The following KIDINS220 variants were observed in gnomAD, a reference collection of about 807,000 sequenced individuals.
KIDINS220 encodes kinase D-interacting substrate of 220 kDa.
A neutral mutation model predicts 157.6 loss-of-function variants in KIDINS220; 63 were observed. The observed-to-expected ratio is 0.40, with a 90% CI of 0.33 to 0.49. The LOEUF (loss-of-function observed/expected upper bound fraction) is 0.49. Ranked by LOEUF, KIDINS220 falls within the 20% of genes least tolerant of loss-of-function variation. KIDINS220 has a pLI of 0.66. For synonymous variants in KIDINS220, 732 were observed against 783.6 expected (o/e 0.93, Z 1.10); for missense variants, 1,772 against 2,171.2 (o/e 0.82, Z 3.65).
At chr2:8,778,225 C>A (rs13003953) in intron 20 of KIDINS220, among the ~76,000 whole-genome samples, 40,550 of 152,110 alleles carry the variant, frequency 0.27, 5,583 homozygotes, top group Middle Eastern at 0.34. Flanking sequence ...GTGAGCGTCC[C>A]ACAAGCATTT....
At chr2:8,790,136 C>T in intron 13 of KIDINS220, 77 bp from the exon 14 acceptor site, 2 of 1,339,934 alleles carry the variant, frequency 1.5e-6, no homozygotes, top group Non-Finnish European at 2.0e-6. Context: ...ATGCAGTTTT[C>T]ACATTTTCAA....
At position 8,779,670 on chromosome 2, in the gene KIDINS220, G is replaced by A. The variant is rs749156024; in HGVS notation, c.2370+4C>T. On this transcript the variant is annotated splice_donor_region_variant and intron_variant, in intron 18 of 29. Transcript: ENST00000256707. ...TGGTGGCTTTTGAGGTGGCGCAAAC[G>A]TACAGTGTCCAGCATCTGAAGGACT... 1.5e-5 allele frequency: 24 copies of A among 1,611,940 alleles called. No individual in the cohort carries two copies. The highest frequency in any genetic ancestry group is 1.6e-4 in the Middle Eastern group (1 of 6,076).
chr2:8,800,899 A>G (rs1674602089), intron 8 of KIDINS220, among the ~76,000 whole-genome samples: 1 of 152,240 alleles, frequency 6.6e-6, no homozygotes, highest in East Asian at 1.9e-4. Context: ...CTATATGACG[A>G]AAGCCATGAA....
Position 8,817,728 on chromosome 2 carries a change from A to AT in KIDINS220, c.208-13dup. On this transcript the variant is annotated splice_polypyrimidine_tract_variant and intron_variant, in intron 3 of 29. Transcript: ENST00000256707. ...GCTGTCCAATTATCCTTGAACATAT[A>AT]TTTTAAAAGTTATCATTTTCAAACC... is the stretch of plus-strand genomic sequence containing the variant. The AT allele has an allele frequency of 6.4e-7, 1 of 1,552,536 alleles. No homozygotes were observed. The highest frequency in any genetic ancestry group is 1.2e-5 in the South Asian group (1 of 83,244).
rs1421918587 is a variant in KIDINS220 at position 8,732,064 on chromosome 2, T to C, written c.4054-82A>G. Reference sequence around the variant, plus strand: ...AACATCAGCTTAGGAAATATATATGTACACTAACCATTTAAAAAGTCATCA... The same window carrying C: ...AACATCAGCTTAGGAAATATATATGCACACTAACCATTTAAAAAGTCATCA... On this transcript the variant is annotated intron_variant, in intron 29 of 29. Transcript: ENST00000256707. 1.2e-5 allele frequency: 14 copies of C among 1,178,606 alleles called. No individual in the cohort carries two copies. The South Asian group carries it at 1.2e-4, about 10-fold the overall frequency. 73.0% of individuals were successfully genotyped at this position (1,178,606 alleles called of 1,614,324 possible). A position where few individuals can be genotyped will look rare whatever the true frequency, so the allele number is the denominator to read the frequency against.
chr2:8,787,338 ATT>A (rs1015257537), intron 15 of KIDINS220, among the ~76,000 whole-genome samples: 6 of 147,696 alleles, frequency 4.1e-5, no homozygotes, highest in Non-Finnish European at 6.0e-5. Flanking sequence ...AATTACACTT[ATT>A]TTTTCTTATA....
At chr2:8,829,572 C>G (rs914763841) in intron 1 of KIDINS220, among the ~76,000 whole-genome samples, 5 of 151,918 alleles carry the variant, frequency 3.3e-5, no homozygotes, top group African/African-American at 1.2e-4. Context: ...GGATAATATA[C>G]AGTCATCAAA....
rs200868298 is a variant in KIDINS220, at chr2:8,791,054, C to T, written c.1441+6G>A. Reference sequence around the variant, plus strand: ...TATACAGACTTTGTACAAGCAAGCCCTTTACCTTCTAGTTTCTTGAGTAAG... The same window carrying T: ...TATACAGACTTTGTACAAGCAAGCCTTTTACCTTCTAGTTTCTTGAGTAAG... On this transcript the variant is annotated splice_donor_region_variant and intron_variant, in intron 13 of 29. Coordinates refer to ENST00000256707, the MANE Select transcript of KIDINS220 (RefSeq NM_020738.4). The T allele has an allele frequency of 1.1e-5, 18 of 1,611,532 alleles. No homozygotes were observed. Among genetic ancestry groups the T allele is most frequent in the Non-Finnish European group, 1.4e-5 (16 of 1,178,880 alleles).
intron 22 of KIDINS220, among the ~76,000 whole-genome samples, chr2:8,769,640 G>A (rs1167235022): frequency 1.3e-5 from 2 of 152,176 alleles, no homozygotes; most frequent in South Asian, 2.1e-4. Context: ...AGTTTTAACC[G>A]CTTAGCAAAC....
intron 7 of KIDINS220, among the ~76,000 whole-genome samples, chr2:8,804,892 T>C (rs1675220170): frequency 6.6e-6 from 1 of 152,048 alleles, no homozygotes; most frequent in Non-Finnish European, 1.5e-5. Flanking sequence ...TACCTGGAGG[T>C]AGCATCAGAC....
At chr2:8,825,006 T>C (rs999037044) in intron 2 of KIDINS220, among the ~76,000 whole-genome samples, 1 of 152,126 alleles carries the variant, frequency 6.6e-6, no homozygotes, top group African/African-American at 2.4e-5. Context: ...AAACGGTCAC[T>C]GCCAGGGTTT....
chr2:8,726,053 G>A (rs1384843423), downstream of KIDINS220, among the ~76,000 whole-genome samples: 2 of 152,166 alleles, frequency 1.3e-5, no homozygotes, highest in African/African-American at 2.4e-5. Context: ...TTTATATTAC[G>A]TAATTCATGC....
At chr2:8,813,927 TA>T (rs889826691) in intron 4 of KIDINS220, among the ~76,000 whole-genome samples, 3 of 151,654 alleles carry the variant, frequency 2.0e-5, no homozygotes, top group African/African-American at 7.3e-5. Flanking sequence ...CCATCTCAAA[TA>T]AAAAAAAATT....
chr2:8,820,775 C>G (rs1477612459), intron 2 of KIDINS220, among the ~76,000 whole-genome samples: 1 of 152,158 alleles, frequency 6.6e-6, no homozygotes, highest in Non-Finnish European at 1.5e-5. Flanking sequence ...AGTTATTAAG[C>G]AGATGGCCTT....
chr2:8,774,295 CAAAA>C (rs547340055), intron 21 of KIDINS220, among the ~76,000 whole-genome samples: 2 of 56,748 alleles, frequency 3.5e-5, no homozygotes. Context: ...GACTCTGTCT[CAAAA>C]AAAAAAAAAA....
intron 22 of KIDINS220, among the ~76,000 whole-genome samples, chr2:8,752,566 A>T (rs993503680): frequency 6.6e-6 from 1 of 152,280 alleles, no homozygotes; most frequent in South Asian, 2.1e-4. Context: ...GTGGCCTCAG[A>T]CAAATTAAAC....
chr2:8,796,656 G>C, intron 11 of KIDINS220, 115 bp downstream of exon 11: 1 of 809,682 alleles, frequency 1.2e-6, no homozygotes, highest in Non-Finnish European at 2.2e-6. Context: ...GACATCCCCA[G>C]CAAGTCATCT....
In KIDINS220 at chr2:8,786,252, A is replaced by C; in HGVS notation, c.1893T>G (p.Phe631Leu). The change falls in exon 16 of 30, where the codon TTT (phenylalanine) becomes TTG (leucine). Residue 631 changes from phenylalanine to leucine, a missense_variant. Phe to Leu is a conservative substitution (Grantham distance 22). Transcript: ENST00000256707. The stretch of plus-strand genomic sequence containing the variant: ...ATACTCGAAAAAGCCTGGTTGCCAA[A>C]AAGCCAAACTCTCTTTCACAAGCAT... ...LSDACEREFG[F>L]LATRLFRVFK... 1 of 1,614,182 alleles carries C rather than the reference A, an allele frequency of 6.2e-7. No individual in the cohort carries two copies. Among genetic ancestry groups the C allele is most frequent in the South Asian group, 1.1e-5 (1 of 91,080 alleles).
At chr2:8,736,816 T>C (rs1025751048) in intron 27 of KIDINS220, 52 bp downstream of exon 27, 7 of 1,603,684 alleles carry the variant, frequency 4.4e-6, no homozygotes, top group African/African-American at 4.0e-5. Context: ...CACACAGTCC[T>C]GTCTTCCGCC....
Sources: gnomAD v4.1 joint callset for allele counts (sites outside exome capture counted in the v4.1 genomes callset) on GRCh38, gnomAD v4.1.1 for gene constraint, MANE v1.5 for transcripts, NCBI Gene and HGNC (gene_info 2026-07-23, HGNC 2026-07-21) for gene names.